Variants in TP63 observed in about 807,000 individuals in gnomAD.
The protein encoded by TP63 is tumor protein 63.
Under a neutral mutation model 82.8 loss-of-function variants are expected in TP63, and 17 were observed. That is an observed-to-expected ratio of 0.21 (90% confidence interval 0.14 to 0.31). TP63 has a LOEUF of 0.31. Among genes scored for constraint, TP63 ranks in the 10% least tolerant of loss-of-function variants. The pLI is 1.00. For missense variants in TP63, 648 were observed against 895.3 expected (o/e 0.72, Z 3.52); for synonymous variants, 330 against 321.7 (o/e 1.03, Z -0.28).
chr3:189,872,961 C>A lies in TP63; in HGVS notation c.1315C>A (p.Gln439Lys). 6.2e-7 allele frequency: 1 copy of A among 1,614,126 alleles called. No individual in the cohort carries two copies. The highest frequency in any genetic ancestry group is 8.5e-7 in the Non-Finnish European group (1 of 1,180,012). Residue 439 changes from glutamine (Q) to lysine (K), a missense_variant, in exon 10 of 14, where the codon CAA (glutamine) becomes AAA (lysine). Physicochemically the swap from Gln to Lys is moderately conservative, Grantham distance 53. This residue lies in a region of TP63 where 342 missense variants were observed against 425.7 expected (regional missense o/e 0.80). Transcript: ENST00000264731. Reference sequence around the variant, plus strand: ...CACAATTGAAACGTACAGGCAACAGCAACAGCAGCAGCACCAGCACTTACT... The same window carrying A: ...CACAATTGAAACGTACAGGCAACAGAAACAGCAGCAGCACCAGCACTTACT... ...QHTIETYRQQ[Q>K]QQQHQHLLQK... is the part of the protein sequence containing the mutation.
chr3:189,777,603 T>C (rs974010666), intron 3 of TP63, among the ~76,000 whole-genome samples: 2 of 151,994 alleles, frequency 1.3e-5, no homozygotes, highest in Non-Finnish European at 2.9e-5. Flanking sequence ...TCTATTTCCT[T>C]TTTACCTTAA....
chr3:189,846,260 C>G (rs558733588), intron 4 of TP63, among the ~76,000 whole-genome samples: 3 of 152,090 alleles, frequency 2.0e-5, no homozygotes, highest in Non-Finnish European at 4.4e-5. Context: ...TCCAAACTTC[C>G]TCCCCTCCCT....
chr3:189,620,113 C>T, the TP63 span, among the ~76,000 whole-genome samples: 1 of 152,236 alleles, frequency 6.6e-6, no homozygotes, highest in Non-Finnish European at 1.5e-5. Context: ...TGGCTCATGC[C>T]TGTAATCCCA....
At chr3:189,688,976 T>C (rs937650354) in intron 1 of TP63, among the ~76,000 whole-genome samples, 13 of 152,096 alleles carry the variant, frequency 8.5e-5, no homozygotes, top group Non-Finnish European at 1.6e-4. Context: ...GGAAGTAAAC[T>C]GCTTGATTCA....
chr3:189,840,489 A>G (rs1173788006), intron 4 of TP63, among the ~76,000 whole-genome samples: 1 of 139,520 alleles, frequency 7.2e-6, no homozygotes, highest in Non-Finnish European at 1.6e-5. Context: ...TTTATGAGAG[A>G]GACAGAGAGA....
intron 4 of TP63, among the ~76,000 whole-genome samples, chr3:189,825,221 A>G (rs1466717564): frequency 6.6e-6 from 1 of 152,208 alleles, no homozygotes; most frequent in Non-Finnish European, 1.5e-5. Flanking sequence ...AATGATTTAT[A>G]AAGTTTTGGA....
intron 3 of TP63, among the ~76,000 whole-genome samples, chr3:189,804,795 T>C (rs1194662157): frequency 6.6e-6 from 1 of 152,222 alleles, no homozygotes. Context: ...GTTAGTAGTG[T>C]CAGTTTTACG....
the TP63 span, among the ~76,000 whole-genome samples, chr3:189,601,645 A>T: frequency 6.6e-6 from 1 of 152,174 alleles, no homozygotes; most frequent in East Asian, 1.9e-4. Flanking sequence ...TTCCTCATTC[A>T]TGAGTAGTAC....
intron 1 of TP63, among the ~76,000 whole-genome samples, chr3:189,654,243 G>A (rs1713131701): frequency 1.3e-5 from 2 of 148,388 alleles, no homozygotes; most frequent in South Asian, 2.1e-4. Context: ...CAAGCCTTTT[G>A]TAAAAAAAAA....
chr3:189,846,317 C>G (rs1286171725), intron 4 of TP63, among the ~76,000 whole-genome samples: 1 of 152,072 alleles, frequency 6.6e-6, no homozygotes, highest in Non-Finnish European at 1.5e-5. Flanking sequence ...TCCATTTTGA[C>G]AAGGATATTT....
chr3:189,838,872 A>G (rs1713532446), intron 4 of TP63, among the ~76,000 whole-genome samples: 1 of 152,108 alleles, frequency 6.6e-6, no homozygotes, highest in African/African-American at 2.4e-5. Context: ...AAAGAAACTC[A>G]GCAATTTGCC....
chr3:189,711,823 G>T (rs184863248), intron 1 of TP63, among the ~76,000 whole-genome samples: 1 of 152,128 alleles, frequency 6.6e-6, no homozygotes, highest in Non-Finnish European at 1.5e-5. Context: ...ATACCAGCTG[G>T]ATCCTTACAC....
At chr3:189,638,981 C>G (rs1189022733) in intron 1 of TP63, among the ~76,000 whole-genome samples, 1 of 152,090 alleles carries the variant, frequency 6.6e-6, no homozygotes, top group Non-Finnish European at 1.5e-5. Context: ...TGCATGCTCC[C>G]AAAGAAAGAC....
chr3:189,802,911 T>A (rs77838924), intron 3 of TP63, among the ~76,000 whole-genome samples: 1 of 152,218 alleles, frequency 6.6e-6, no homozygotes, highest in African/African-American at 2.4e-5. Flanking sequence ...CCCATTTTTT[T>A]AATAACCTCT....
chr3:189,784,652 T>C (rs1296917735), intron 3 of TP63, among the ~76,000 whole-genome samples: 1 of 152,110 alleles, frequency 6.6e-6, no homozygotes, highest in Non-Finnish European at 1.5e-5. Context: ...AAATTAAATC[T>C]AGAATACAAC....
chr3:189,603,672 AAAAAG>A, the TP63 span, among the ~76,000 whole-genome samples: 7,386 of 66,354 alleles, frequency 0.11, 879 homozygotes, highest in East Asian at 0.42. Context: ...AAAAAAAAAA[AAAAAG>A]AAGCACAGTC....
At chr3:189,621,186 T>C in the TP63 span, among the ~76,000 whole-genome samples, 1 of 152,198 alleles carries the variant, frequency 6.6e-6, no homozygotes, top group African/African-American at 2.4e-5. Flanking sequence ...AAATATTCTT[T>C]TCACTCCATA....
intron 10 of TP63, among the ~76,000 whole-genome samples, chr3:189,883,904 G>A (rs1161386153): frequency 6.7e-6 from 1 of 149,542 alleles, no homozygotes; most frequent in African/African-American, 2.5e-5. Context: ...GTTGTAACAG[G>A]AATTGTAAGA....
At chr3:189,885,752 A>G (rs575666149) in intron 10 of TP63, among the ~76,000 whole-genome samples, 1 of 152,236 alleles carries the variant, frequency 6.6e-6, no homozygotes, top group Non-Finnish European at 1.5e-5. Flanking sequence ...TCAATAGAAT[A>G]GTTATTTGGG....
Sources: gnomAD v4.1 joint callset for allele counts (sites outside exome capture counted in the v4.1 genomes callset) on GRCh38, gnomAD v4.1.1 for gene constraint, gnomAD v4.1.1 regional missense constraint, MANE v1.5 for transcripts, NCBI Gene and HGNC (gene_info 2026-07-23, HGNC 2026-07-21) for gene names.